Variants in PPARGC1A observed in about 807,000 individuals in gnomAD.
The protein encoded by PPARGC1A is peroxisome proliferator-activated receptor gamma coactivator 1-alpha.
PPARGC1A carries 25 observed loss-of-function variants against 88.7 expected under a neutral mutation model. The observed-to-expected ratio is 0.28, with a 90% confidence interval of 0.21 to 0.39. The LOEUF is 0.39. PPARGC1A is among the 10% of genes least tolerant of loss of function. The pLI, the probability that PPARGC1A is intolerant of heterozygous loss-of-function variation, is 1.00. For missense variants in PPARGC1A, 880 were observed against 968.7 expected, an observed-to-expected ratio of 0.91 and a Z score of 1.22; for synonymous variants, 363 against 355.6, an observed-to-expected ratio of 1.02 and a Z score of -0.24.
At chr4:24,009,948 A>G in the PPARGC1A span, among the ~76,000 whole-genome samples, 13 of 152,266 alleles carry the variant, frequency 8.5e-5, no homozygotes, top group East Asian at 1.9e-4. Context: ...TAGAAAAGCC[A>G]TGGACCCTGT....
Position 23,824,199 on chromosome 4 carries a change from C to G in PPARGC1A, c.877+81G>C, listed in dbSNP as rs978531457. 18 of 1,181,266 alleles carry G rather than the reference C, an allele frequency of 1.5e-5. No homozygotes were observed. The Admixed American group carries it at 3.1e-4, about 20-fold the overall frequency. 73.2% of individuals were successfully genotyped at this position (1,181,266 alleles called of 1,614,324 possible). ...TTGTTAATTTCATTAACCACATAGACAGTACACTCTGTTATCTTATTACAC... is the reference window on the plus strand; with the variant it reads ...TTGTTAATTTCATTAACCACATAGAGAGTACACTCTGTTATCTTATTACAC... On this transcript the variant is annotated intron_variant, in intron 7 of 12. Coordinates refer to ENST00000264867, the MANE Select transcript of PPARGC1A (RefSeq NM_013261.5).
chr4:24,310,343 CCT>C, the PPARGC1A span, among the ~76,000 whole-genome samples: 1 of 152,182 alleles, frequency 6.6e-6, no homozygotes, highest in African/African-American at 2.4e-5. Context: ...TGTATCAATT[CCT>C]CTCTAGAATC....
chr4:24,128,609 C>G, the PPARGC1A span, among the ~76,000 whole-genome samples: 2 of 150,434 alleles, frequency 1.3e-5, no homozygotes, highest in African/African-American at 4.9e-5. Context: ...ATGGTATGGA[C>G]GCATATTAAG....
chr4:24,446,800 A>G, the PPARGC1A span, among the ~76,000 whole-genome samples: 2 of 151,962 alleles, frequency 1.3e-5, no homozygotes, highest in South Asian at 2.1e-4. Context: ...ATGTTTTGCC[A>G]TGTTGGCCAG....
chr4:24,416,437 G>A, the PPARGC1A span, among the ~76,000 whole-genome samples: 2 of 152,184 alleles, frequency 1.3e-5, no homozygotes, highest in African/African-American at 4.8e-5. Flanking sequence ...AATAGTCCAG[G>A]CAAGAGGTCA....
the PPARGC1A span, among the ~76,000 whole-genome samples, chr4:24,175,999 GACAACGAATA>G: frequency 4.7e-4 from 72 of 152,116 alleles, no homozygotes; most frequent in African/African-American, 1.7e-3. Flanking sequence ...CAACTAGAAA[GACAACGAATA>G]ACAAGGACTT....
the PPARGC1A span, among the ~76,000 whole-genome samples, chr4:24,400,201 T>C: frequency 6.6e-6 from 1 of 152,192 alleles, no homozygotes; most frequent in African/African-American, 2.4e-5. Flanking sequence ...TACAAAGTAT[T>C]AGTCCTGGGT....
intron 2 of PPARGC1A, among the ~76,000 whole-genome samples, chr4:23,834,666 C>A (rs1250529236): frequency 6.6e-6 from 1 of 152,122 alleles, no homozygotes; most frequent in Non-Finnish European, 1.5e-5. Flanking sequence ...GTAGATTCTT[C>A]AATCTACCTT....
the PPARGC1A span, among the ~76,000 whole-genome samples, chr4:24,307,778 G>A: frequency 1.3e-5 from 2 of 152,200 alleles, no homozygotes; most frequent in South Asian, 2.1e-4. Context: ...GCTGACTCTC[G>A]AGCCCACCCT....
At chr4:24,101,334 A>G in the PPARGC1A span, among the ~76,000 whole-genome samples, 2 of 152,186 alleles carry the variant, frequency 1.3e-5, no homozygotes, top group Non-Finnish European at 2.9e-5. Flanking sequence ...CTCACCAGCC[A>G]TGCTTCCTGT....
the PPARGC1A span, among the ~76,000 whole-genome samples, chr4:24,275,869 C>A: frequency 1.3e-5 from 2 of 152,080 alleles, no homozygotes; most frequent in Admixed American, 6.6e-5. Flanking sequence ...TACACACAGG[C>A]TAATGGGAAG....
chr4:24,328,089 C>T, the PPARGC1A span, among the ~76,000 whole-genome samples: 1 of 152,020 alleles, frequency 6.6e-6, no homozygotes, highest in Non-Finnish European at 1.5e-5. Context: ...AAAACGGCCC[C>T]ACCCCTATCT....
intron 2 of PPARGC1A, among the ~76,000 whole-genome samples, chr4:23,855,698 G>A (rs764289743): frequency 6.6e-6 from 1 of 152,130 alleles, no homozygotes. Context: ...TCATCCCATG[G>A]GAGAGACAGG....
At chr4:24,094,992 C>T in the PPARGC1A span, among the ~76,000 whole-genome samples, 42 of 152,078 alleles carry the variant, frequency 2.8e-4, no homozygotes, top group Non-Finnish European at 5.9e-4. Flanking sequence ...TGAGCTTGCT[C>T]GAGGACACTG....
At chr4:24,198,413 T>G in the PPARGC1A span, among the ~76,000 whole-genome samples, 122,889 of 151,990 alleles carry the variant, frequency 0.81, 51,714 homozygotes, top group East Asian at 0.97. Flanking sequence ...GGATCTCATC[T>G]CCAGTTTTCT....
chr4:24,421,621 A>G, the PPARGC1A span, among the ~76,000 whole-genome samples: 68 of 152,254 alleles, frequency 4.5e-4, no homozygotes, highest in African/African-American at 1.5e-3. Context: ...AACAGTTTAC[A>G]TTTGATCCAA....
At chr4:24,122,358 AGTGTATGCGTATGTGT>A in the PPARGC1A span, among the ~76,000 whole-genome samples, 1 of 135,168 alleles carries the variant, frequency 7.4e-6, no homozygotes, top group East Asian at 2.2e-4. Context: ...CCTCTCTGTG[AGTGTATGCGTATGTGT>A]GTGTATGCGT....
the PPARGC1A span, among the ~76,000 whole-genome samples, chr4:23,938,081 A>T: frequency 6.6e-6 from 1 of 152,100 alleles, no homozygotes; most frequent in Non-Finnish European, 1.5e-5. Context: ...GTCCTATGAG[A>T]TCCAGAGTAA....
chr4:24,162,098 G>C, the PPARGC1A span, among the ~76,000 whole-genome samples: 1 of 152,010 alleles, frequency 6.6e-6, no homozygotes, highest in Non-Finnish European at 1.5e-5. Context: ...ATTATTCTAA[G>C]TGAAGTAACT....
Sources: gnomAD v4.1 joint callset for allele counts (sites outside exome capture counted in the v4.1 genomes callset) on GRCh38, gnomAD v4.1.1 for gene constraint, MANE v1.5 for transcripts, NCBI Gene and HGNC (gene_info 2026-07-23, HGNC 2026-07-21) for gene names.